Variants in ZNF804B observed in about 807,000 individuals in gnomAD.
ZNF804B encodes zinc finger 804B.
Under a neutral mutation model 101.4 loss-of-function variants are expected in ZNF804B, and 80 were observed. The observed-to-expected ratio is 0.79, with a 90% confidence interval of 0.66 to 0.95. ZNF804B has a LOEUF of 0.95. Ranked by LOEUF, ZNF804B falls within the 40% of genes least tolerant of loss-of-function variation. The pLI, the probability that ZNF804B is intolerant of heterozygous loss-of-function variation, is 0.00. For missense variants in ZNF804B, 1,673 were observed against 1,561.9 expected, an observed-to-expected ratio of 1.07 and a Z score of -1.20; for synonymous variants, 622 against 558.8, an observed-to-expected ratio of 1.11 and a Z score of -1.59.
chr7:88,873,567 T>C (rs1455324054), intron 1 of ZNF804B, among the ~76,000 whole-genome samples: 1 of 152,216 alleles, frequency 6.6e-6, no homozygotes, highest in Non-Finnish European at 1.5e-5. Context: ...TGAATGGTAA[T>C]GCCTAGGTTT....
chr7:88,970,742 C>T (rs566502043), intron 1 of ZNF804B, among the ~76,000 whole-genome samples: 1 of 144,370 alleles, frequency 6.9e-6, no homozygotes, highest in Non-Finnish European at 1.5e-5. Context: ...ACCGCATGTT[C>T]TCACTCTTAG....
chr7:89,119,707 T>C (rs1583997654), intron 1 of ZNF804B, among the ~76,000 whole-genome samples: 1 of 152,294 alleles, frequency 6.6e-6, no homozygotes, highest in Admixed American at 6.5e-5. Flanking sequence ...ACATAAAACA[T>C]AGCACCTGGC....
At chr7:89,086,561 G>A (rs1789804818) in intron 1 of ZNF804B, among the ~76,000 whole-genome samples, 1 of 151,930 alleles carries the variant, frequency 6.6e-6, no homozygotes, top group Non-Finnish European at 1.5e-5. Flanking sequence ...ACATTTGTGG[G>A]AAAGAGACAA....
rs566553773 is a variant in ZNF804B, at chr7:89,022,651, A to G, written c.109-195504A>G. Among the ~76,000 whole-genome samples the G allele has an allele frequency of 2.8e-3, 426 of 152,320 alleles. 2 individuals are homozygous for G. The highest frequency in any genetic ancestry group is 4.3e-3 in the Non-Finnish European group (290 of 68,022). The stretch of plus-strand genomic sequence containing the variant: ...GTTTCTTCATCAGGAGTGTCATTCT[A>G]TGAAAGAAAGCTTATGTGTTGCTTT... On this transcript the variant is annotated intron_variant, in intron 1 of 3. Transcript: ENST00000333190.
intron 1 of ZNF804B, among the ~76,000 whole-genome samples, chr7:89,138,206 C>T (rs1215200688): frequency 6.6e-6 from 1 of 151,980 alleles, no homozygotes; most frequent in African/African-American, 2.4e-5. Context: ...GGGATCAGAG[C>T]CCCCGCACAC....
At chr7:88,998,352 A>G (rs1788229479) in intron 1 of ZNF804B, among the ~76,000 whole-genome samples, 2 of 152,060 alleles carry the variant, frequency 1.3e-5, no homozygotes, top group South Asian at 2.1e-4. Flanking sequence ...GAATGAAAGC[A>G]TGCATGCAGG....
At chr7:88,852,074 C>A (rs1791456859) in intron 1 of ZNF804B, among the ~76,000 whole-genome samples, 1 of 151,940 alleles carries the variant, frequency 6.6e-6, no homozygotes, top group Non-Finnish European at 1.5e-5. Flanking sequence ...AAATGAAGCC[C>A]AAGATGAAAA....
rs989038087 is a variant in ZNF804B, at chr7:88,802,360, G to A, written c.108+42276G>A. Among the ~76,000 whole-genome samples, 6 of 152,054 alleles carry A rather than the reference G, an allele frequency of 3.9e-5. No homozygotes were observed. In the East Asian group the frequency reaches 1.2e-3, roughly 29 times the overall value. On this transcript the variant is annotated intron_variant, in intron 1 of 3. Transcript: ENST00000333190. ...AAACTGGGTCCTAGAAGCTACAGTG[G>A]TCTAAGCAGCAGCAAGTTTATGCAT...
intron 2 of ZNF804B, among the ~76,000 whole-genome samples, chr7:89,266,680 CT>C (rs1221925751): frequency 3.3e-5 from 5 of 152,080 alleles, no homozygotes; most frequent in Non-Finnish European, 7.4e-5. Flanking sequence ...TGAAATCGGA[CT>C]TTGTACTTCA....
intron 1 of ZNF804B, among the ~76,000 whole-genome samples, chr7:88,780,931 C>T (rs1300137651): frequency 6.6e-6 from 1 of 152,018 alleles, no homozygotes; most frequent in Non-Finnish European, 1.5e-5. Context: ...TGTACTAATT[C>T]TGTTCATGGG....
intron 1 of ZNF804B, among the ~76,000 whole-genome samples, chr7:89,064,871 C>G (rs556388980): frequency 2.0e-3 from 306 of 152,254 alleles, no homozygotes; most frequent in Non-Finnish European, 3.9e-3. Context: ...TACCTGTTCT[C>G]TGCATCACAC....
At chr7:88,818,622 T>C (rs1790923637) in intron 1 of ZNF804B, among the ~76,000 whole-genome samples, 1 of 152,166 alleles carries the variant, frequency 6.6e-6, no homozygotes, top group South Asian at 2.1e-4. Flanking sequence ...AACAGGAGAT[T>C]TGATTATTTG....
intron 1 of ZNF804B, among the ~76,000 whole-genome samples, chr7:89,017,017 T>A (rs145944901): frequency 0.11 from 16,208 of 152,128 alleles, 952 homozygotes; most frequent in Non-Finnish European, 0.12. Context: ...TTCATTGAGC[T>A]GTGGTTTGTA....
chr7:88,922,606 GATAC>G (rs1353067995), intron 1 of ZNF804B, among the ~76,000 whole-genome samples: 1 of 138,498 alleles, frequency 7.2e-6, no homozygotes, highest in Non-Finnish European at 1.6e-5. Flanking sequence ...GCTAATTACA[GATAC>G]ATATATATAT....
At chr7:88,888,464 T>G (rs1423201319) in intron 1 of ZNF804B, among the ~76,000 whole-genome samples, 1 of 152,172 alleles carries the variant, frequency 6.6e-6, no homozygotes, top group Middle Eastern at 3.2e-3. Flanking sequence ...ATTTACGTAT[T>G]TATGATACTT....
In ZNF804B at chr7:89,167,444, T is replaced by TATAAATAAATAA. The variant is rs3059362; in HGVS notation, c.109-50694_109-50683dup. Among the ~76,000 whole-genome samples, 222 of 112,550 alleles carry TATAAATAAATAA rather than the reference T, an allele frequency of 2.0e-3. 1 individual carries two copies. Among genetic ancestry groups the TATAAATAAATAA allele is most frequent in the Middle Eastern group, 0.012 (2 of 172 alleles). 73.8% of individuals were successfully genotyped at this position (112,550 alleles called of 152,430 possible). A position where few individuals can be genotyped will look rare whatever the true frequency, so the allele number is the denominator to read the frequency against. On this transcript the variant is annotated intron_variant, in intron 1 of 3. Transcript: ENST00000333190. ...GGCCGAAAACAGCAAGACAGTGTCT[T>TATAAATAAATAA]ATAAATAAATAAATAAATAAATAAA...
At chr7:89,292,625 A>T (rs954104641) in intron 2 of ZNF804B, among the ~76,000 whole-genome samples, 1 of 152,008 alleles carries the variant, frequency 6.6e-6, no homozygotes, top group African/African-American at 2.4e-5. Context: ...CTGAAAATAG[A>T]CAAAAAAAGA....
intron 2 of ZNF804B, among the ~76,000 whole-genome samples, chr7:89,314,447 T>C (rs1232957126): frequency 6.6e-6 from 1 of 152,190 alleles, no homozygotes; most frequent in African/African-American, 2.4e-5. Context: ...ATGAATTAAA[T>C]ACTCTCAATG....
intron 1 of ZNF804B, among the ~76,000 whole-genome samples, chr7:88,980,191 CA>C (rs1793676958): frequency 6.6e-6 from 1 of 151,912 alleles, no homozygotes; most frequent in Admixed American, 6.6e-5. Context: ...TATCTGGTAG[CA>C]TTTGAATTCC....
Sources: allele counts gnomAD v4.1 joint callset (sites outside exome capture counted in the v4.1 genomes callset), GRCh38; gene constraint gnomAD v4.1.1; transcripts MANE v1.5; gene names NCBI Gene and HGNC (gene_info 2026-07-23, HGNC 2026-07-21).